The following SCHIP1 variants were observed in gnomAD, a reference collection of about 807,000 sequenced individuals.
SCHIP1 encodes schwannomin-interacting protein 1.
In SCHIP1, 8 loss-of-function variants were observed where a neutral mutation model predicts 29.7. The ratio of observed to expected loss-of-function variants is 0.27; its 90% CI spans 0.16 to 0.49. SCHIP1 has a LOEUF of 0.49. Among genes scored for constraint, SCHIP1 ranks in the 20% least tolerant of loss-of-function variants. The pLI is 0.99. For missense variants in SCHIP1, 193 were observed against 294.6 expected, an observed-to-expected ratio of 0.66 and a Z score of 2.52; for synonymous variants, 76 against 94.9, an observed-to-expected ratio of 0.80 and a Z score of 1.16.
the SCHIP1 span, among the ~76,000 whole-genome samples, chr3:159,650,087 T>G: frequency 3.3e-5 from 5 of 152,156 alleles, no homozygotes; most frequent in Non-Finnish European, 5.9e-5. Flanking sequence ...ATTCATACTC[T>G]CAAAGAATCA....
At chr3:159,784,758 A>G in the SCHIP1 span, among the ~76,000 whole-genome samples, 1 of 152,158 alleles carries the variant, frequency 6.6e-6, no homozygotes, top group South Asian at 2.1e-4. Flanking sequence ...GGTTCAAGCA[A>G]TTCTCCTGCC....
the SCHIP1 span, among the ~76,000 whole-genome samples, chr3:159,355,451 A>G: frequency 2.0e-5 from 3 of 152,172 alleles, no homozygotes; most frequent in African/African-American, 4.8e-5. Flanking sequence ...GGATGAGGAC[A>G]TTTATCTAAA....
the SCHIP1 span, chr3:159,764,324 A>G: frequency 8.1e-7 from 1 of 1,233,306 alleles, no homozygotes; most frequent in Non-Finnish European, 1.1e-6. This position sits in a 1 kb window ranked among gnomAD's most constrained non-coding sequence, Gnocchi z 6.1. Flanking sequence ...TCCTTGGGGG[A>G]CGCACCTCTG....
chr3:159,797,675 C>G, the SCHIP1 span, among the ~76,000 whole-genome samples: 1 of 152,070 alleles, frequency 6.6e-6, no homozygotes, highest in East Asian at 1.9e-4. Context: ...CAGGTTCACA[C>G]CATTCCCCTG....
chr3:159,645,275 G>A, the SCHIP1 span, among the ~76,000 whole-genome samples: 2 of 152,050 alleles, frequency 1.3e-5, no homozygotes, highest in Non-Finnish European at 2.9e-5. Flanking sequence ...TTGACCCTCT[G>A]ATCAGGCTTA....
the SCHIP1 span, among the ~76,000 whole-genome samples, chr3:159,338,687 G>A: frequency 6.6e-6 from 1 of 152,104 alleles, no homozygotes; most frequent in Admixed American, 6.6e-5. Context: ...ATAGTGGCTT[G>A]AATCAGGCTG....
chr3:159,482,542 A>G, the SCHIP1 span, among the ~76,000 whole-genome samples: 2 of 152,198 alleles, frequency 1.3e-5, no homozygotes, highest in Admixed American at 6.6e-5. Flanking sequence ...ATTATGAAGC[A>G]CTGTGAAAAT....
chr3:159,836,813 C>T (rs1170297213), upstream of SCHIP1, among the ~76,000 whole-genome samples: 2 of 152,192 alleles, frequency 1.3e-5, no homozygotes, highest in Non-Finnish European at 2.9e-5. Context: ...AATGTTACTG[C>T]AGTTTGGTAA....
At chr3:159,699,527 AG>A in the SCHIP1 span, among the ~76,000 whole-genome samples, 770 of 152,340 alleles carry the variant, frequency 5.1e-3, 10 homozygotes, top group Admixed American at 0.024. Context: ...GAGGTGAGCA[AG>A]GAAGGGAGAA....
At chr3:159,372,125 T>G in the SCHIP1 span, among the ~76,000 whole-genome samples, 1 of 152,166 alleles carries the variant, frequency 6.6e-6, no homozygotes, top group African/African-American at 2.4e-5. Flanking sequence ...TGAAATAGCA[T>G]GCCTCAGCAT....
At chr3:159,444,315 C>A in the SCHIP1 span, among the ~76,000 whole-genome samples, 1 of 152,096 alleles carries the variant, frequency 6.6e-6, no homozygotes, top group Admixed American at 6.6e-5. Flanking sequence ...GTACTCCCAG[C>A]CTACTCTCCA....
chr3:159,293,169 T>C, the SCHIP1 span, among the ~76,000 whole-genome samples: 2 of 152,232 alleles, frequency 1.3e-5, no homozygotes, highest in African/African-American at 4.8e-5. Flanking sequence ...TTGCGTACAT[T>C]ACCTATGGTA....
the SCHIP1 span, among the ~76,000 whole-genome samples, chr3:159,647,348 T>C: frequency 2.6e-5 from 4 of 151,396 alleles, no homozygotes; most frequent in Admixed American, 6.6e-5. Context: ...GAGGAGAGGG[T>C]TGAACGGGGA....
chr3:159,309,201 A>C, the SCHIP1 span: 3 of 233,100 alleles, frequency 1.3e-5, no homozygotes, highest in African/African-American at 2.3e-5. Context: ...CAAATATTTA[A>C]ATGGGAAAAA....
chr3:159,502,244 A>T, the SCHIP1 span, among the ~76,000 whole-genome samples: 1 of 152,208 alleles, frequency 6.6e-6, no homozygotes, highest in Non-Finnish European at 1.5e-5. Flanking sequence ...GAGGGAAAAC[A>T]AAAGAGATAC....
the SCHIP1 span, among the ~76,000 whole-genome samples, chr3:159,654,825 A>AAAT: frequency 9.6e-5 from 14 of 145,726 alleles, no homozygotes; most frequent in African/African-American, 3.5e-4. Context: ...AAAAAAAAAA[A>AAAT]TCCTCACAAA....
chr3:159,335,851 A>G, the SCHIP1 span, among the ~76,000 whole-genome samples: 6 of 152,212 alleles, frequency 3.9e-5, no homozygotes, highest in Non-Finnish European at 8.8e-5. Flanking sequence ...TCCTTTGGAT[A>G]TATACCCAGT....
chr3:159,555,398 T>C, the SCHIP1 span, among the ~76,000 whole-genome samples: 1 of 152,228 alleles, frequency 6.6e-6, no homozygotes, highest in African/African-American at 2.4e-5. Context: ...CTTTTGGCTT[T>C]TGTTACACAG....
chr3:159,339,350 G>T, the SCHIP1 span, among the ~76,000 whole-genome samples: 2 of 151,656 alleles, frequency 1.3e-5, no homozygotes, highest in Admixed American at 6.6e-5. Flanking sequence ...GGTAAATAAA[G>T]AAACTCCTTG....
Sources: allele counts gnomAD v4.1 joint callset (sites outside exome capture counted in the v4.1 genomes callset), GRCh38; gene constraint gnomAD v4.1.1; non-coding constraint Gnocchi (gnomAD v3.1); transcripts MANE v1.5; gene names NCBI Gene and HGNC (gene_info 2026-07-23, HGNC 2026-07-21).